The following TTLL3 variants were observed in gnomAD, a reference collection of about 807,000 sequenced individuals.
The protein encoded by TTLL3 is tubulin monoglycylase TTLL3.
TTLL3 carries 63 observed loss-of-function variants against 75.2 expected under a neutral mutation model. The ratio of observed to expected loss-of-function variants is 0.84; its 90% CI spans 0.68 to 1.03. The LOEUF (loss-of-function observed/expected upper bound fraction) is 1.03, where lower values mean the gene tolerates loss of function less well. Ranked by LOEUF, TTLL3 falls within the 50% of genes least tolerant of loss-of-function variation. The pLI is 0.00. For synonymous variants in TTLL3, 393 were observed against 418.5 expected (o/e 0.94, Z 0.74); for missense variants, 997 against 1,069.9 (o/e 0.93, Z 0.95).
upstream of TTLL3, chr3:9,810,132 G>C (rs1030823989): frequency 1.4e-6 from 2 of 1,471,444 alleles, no homozygotes; most frequent in African/African-American, 2.9e-5. The surrounding 1 kb of genome is among the most constrained non-coding windows in gnomAD (Gnocchi z 4.4). Context: ...AGCCGCAGCC[G>C]CTCGAGCCAC....
At chr3:9,826,893 A>T in intron 9 of TTLL3, 104 bp from the exon 10 acceptor site, 1 of 1,556,940 alleles carries the variant, frequency 6.4e-7, no homozygotes, top group Non-Finnish European at 8.7e-7. Context: ...AGCCTTACCC[A>T]CTCAGCCCTA....
At chr3:9,809,959 G>GGGGCGCGGGATCAGGGGCCCAGGGAGGGC, upstream of TTLL3, 2 of 1,173,090 alleles carry the variant, frequency 1.7e-6, no homozygotes, top group Non-Finnish European at 2.2e-6. Context: ...GCGACGCGGA[G>GGGGCGCGGGATCAGGGGCCCAGGGAGGGC]GGGCGCGGGA....
chr3:9,822,674 C>A (rs1031181750), intron 8 of TTLL3, among the ~76,000 whole-genome samples: 1 of 150,314 alleles, frequency 6.7e-6, no homozygotes, highest in African/African-American at 2.4e-5. Context: ...CAAGTGTGTG[C>A]CACCAGGCCT....
chr3:9,821,264 G>A (rs902356056), intron 8 of TTLL3, among the ~76,000 whole-genome samples: 1 of 152,188 alleles, frequency 6.6e-6, no homozygotes, highest in Admixed American at 6.5e-5. Flanking sequence ...GTGGGGAAAG[G>A]GAGGATCAAG....
At chr3:9,834,409 A>C in intron 12 of TTLL3, 1 of 639,158 alleles carries the variant, frequency 1.6e-6, no homozygotes, top group Non-Finnish European at 2.9e-6. Flanking sequence ...GGTAGGTGCT[A>C]TTATCCCCAT....
At chr3:9,815,985 C>A in intron 4 of TTLL3, 89 bp from the exon 5 acceptor site, 1 of 1,209,620 alleles carries the variant, frequency 8.3e-7, no homozygotes, top group Admixed American at 2.7e-5. Flanking sequence ...TCCTGTTCAC[C>A]CACCCTGCTC....
intron 10 of TTLL3, 134 bp downstream of exon 10, chr3:9,827,374 C>T: frequency 6.9e-7 from 1 of 1,443,328 alleles, no homozygotes. Flanking sequence ...GGCAGGCCCT[C>T]ATCCTGCCAG....
intron 11 of TTLL3, among the ~76,000 whole-genome samples, chr3:9,830,074 C>T (rs1169001687): frequency 1.3e-5 from 2 of 152,174 alleles, no homozygotes; most frequent in African/African-American, 4.8e-5. Context: ...AGCTCCTGAC[C>T]TCAGGTGATC....
At chr3:9,810,181 C>G (rs1559733551), upstream of TTLL3, 6 of 1,470,388 alleles carry the variant, frequency 4.1e-6, no homozygotes, top group Non-Finnish European at 4.5e-6. This position sits in a 1 kb window ranked among gnomAD's most constrained non-coding sequence, Gnocchi z 4.4. Flanking sequence ...CGAGTTCCGT[C>G]CACCCAGGAG....
intron 2 of TTLL3, among the ~76,000 whole-genome samples, chr3:9,811,850 G>A (rs1181534724): frequency 6.6e-6 from 1 of 152,146 alleles, no homozygotes; most frequent in Non-Finnish European, 1.5e-5. Flanking sequence ...TGCCTGAACC[G>A]CCATTTCCCA....
At chr3:9,832,849 T>G (rs1432340298) in intron 11 of TTLL3, among the ~76,000 whole-genome samples, 1 of 152,140 alleles carries the variant, frequency 6.6e-6, no homozygotes, top group Non-Finnish European at 1.5e-5. Flanking sequence ...TGGGGGCAGC[T>G]TAGGAGGGAA....
intron 8 of TTLL3, chr3:9,825,525 G>C (rs1033189548): frequency 7.9e-6 from 4 of 505,180 alleles, no homozygotes; most frequent in Non-Finnish European, 1.4e-5. Flanking sequence ...TAATAGGAAG[G>C]GGGTGGCACA....
intron 13 of TTLL3, 83 bp from the exon 14 acceptor site, chr3:9,835,011 A>G (rs2125011359): frequency 1.3e-6 from 2 of 1,598,702 alleles, no homozygotes; most frequent in East Asian, 4.5e-5. Context: ...TGGCACCCCA[A>G]GGGAAGAGCT....
chr3:9,829,330 G>T lies in TTLL3; in HGVS notation c.1618G>T (p.Val540Leu), dbSNP rs767731678. The T allele has an allele frequency of 6.2e-7, 1 of 1,613,072 alleles. No homozygotes were observed. The highest frequency in any genetic ancestry group is 8.5e-7 in the Non-Finnish European group (1 of 1,179,394). ...CAGVQADTLR[V>L]VIDRMLDRNC... Reference sequence around the variant, plus strand: ...TGGCGTGCAAGCTGACACCCTGCGCGTGGTCATTGACCGGATGCTGGACCG... The same window carrying T: ...TGGCGTGCAAGCTGACACCCTGCGCTTGGTCATTGACCGGATGCTGGACCG... Residue 540 changes from valine to leucine, a missense_variant, in exon 11 of 14, where the codon GTG (valine) becomes TTG (leucine). Coordinates refer to ENST00000685419, the MANE Select transcript of TTLL3 (RefSeq NM_001387446.1).
In TTLL3 at chr3:9,833,097, C is replaced by T. The variant is rs368550984; in HGVS notation, c.1684-7C>T. 1.2e-5 allele frequency: 20 copies of T among 1,613,934 alleles called. No individual in the cohort carries two copies. In the African/African-American group the frequency reaches 2.3e-4, roughly 18 times the overall value. On this transcript the variant is annotated splice_polypyrimidine_tract_variant and splice_region_variant and intron_variant, in intron 11 of 13. Transcript: ENST00000685419. Reference sequence around the variant, plus strand: ...GAGTGGGCCTTGTCTCCTCTTCTTGCCCACAGCCTGCTGTGGAGGTGCCTC... The same window carrying T: ...GAGTGGGCCTTGTCTCCTCTTCTTGTCCACAGCCTGCTGTGGAGGTGCCTC...
upstream of TTLL3, chr3:9,810,167 G>C (rs767067300): frequency 1.5e-5 from 22 of 1,471,052 alleles, no homozygotes; most frequent in Middle Eastern, 2.3e-3. This position sits in a 1 kb window ranked among gnomAD's most constrained non-coding sequence, Gnocchi z 4.4. Flanking sequence ...TCGGCGCGCC[G>C]CTCCGAGTTC....
At chr3:9,817,258 A>G (rs1004463950) in intron 5 of TTLL3, among the ~76,000 whole-genome samples, 8 of 152,132 alleles carry the variant, frequency 5.3e-5, no homozygotes, top group Admixed American at 1.3e-4. Context: ...TGCCGTCTCT[A>G]TTAAAAATAC....
In TTLL3 at chr3:9,818,890, C is replaced by G. The variant is rs764155811; in HGVS notation, c.628C>G (p.Pro210Ala). Residue 210 changes from proline to alanine, a missense_variant, in exon 7 of 14, where the codon CCT becomes GCT. Coordinates refer to ENST00000685419, the MANE Select transcript of TTLL3 (RefSeq NM_001387446.1). ...GGTGAAGTCTGAGTGGAAGTCATAC[C>G]CTATTCAGGCAGTAGAGGAAGAGGC... ...LVVKSEWKSY[P>A]IQAVEEEASG... The G allele has an allele frequency of 6.2e-7, 1 of 1,614,080 alleles. No homozygotes were observed. The highest frequency in any genetic ancestry group is 1.1e-5 in the South Asian group (1 of 91,078).
In TTLL3 at chr3:9,810,475, C is replaced by A. The variant is rs983183650; in HGVS notation, c.-42+81C>A. The A allele has an allele frequency of 1.0e-5, 15 of 1,442,638 alleles. No homozygotes were observed. The African/African-American group carries it at 1.7e-4, about 17-fold the overall frequency. The allele number at this position is 1,442,638 out of a possible 1,614,324, so 89.4% of individuals were successfully genotyped here. A position where few individuals can be genotyped will look rare whatever the true frequency, so the allele number is the denominator to read the frequency against. On this transcript the variant is annotated intron_variant, in intron 1 of 13. Coordinates refer to ENST00000685419, the MANE Select transcript of TTLL3 (RefSeq NM_001387446.1). The surrounding 1 kb of genome is among the most constrained non-coding windows in gnomAD (Gnocchi z 4.4). ...ACGCTGGGGTGGAGGGACTGGGGGT[C>A]GGGAGAAGAGCGGCTGAGGGTGGGC...
Sources: allele counts gnomAD v4.1 joint callset (sites outside exome capture counted in the v4.1 genomes callset), GRCh38; gene constraint gnomAD v4.1.1; non-coding constraint Gnocchi (gnomAD v3.1); transcripts MANE v1.5; gene names NCBI Gene and HGNC (gene_info 2026-07-23, HGNC 2026-07-21).